Variants in UNC13C observed in about 807,000 individuals in gnomAD.
The protein encoded by UNC13C is unc-13 homolog C, also known as protein unc-13 homolog C.
In UNC13C, 174 loss-of-function variants were observed where a neutral mutation model predicts 245.4. That is an observed-to-expected ratio of 0.71 (90% CI 0.63 to 0.80). The LOEUF (loss-of-function observed/expected upper bound fraction) is 0.80, where lower values mean the gene tolerates loss of function less well. Among genes scored for constraint, UNC13C ranks in the 30% least tolerant of loss-of-function variants. The pLI, the probability that UNC13C is intolerant of heterozygous loss-of-function variation, is 0.00. For missense variants in UNC13C, 2,829 were observed against 2,602.9 expected (o/e 1.09, Z -1.89); for synonymous variants, 992 against 895.1 (o/e 1.11, Z -1.93).
chr15:53,899,667 C>T, the UNC13C span, among the ~76,000 whole-genome samples: 2 of 152,126 alleles, frequency 1.3e-5, no homozygotes, highest in Non-Finnish European at 2.9e-5. Context: ...CGGGTTCAAG[C>T]GATTCTCCTG....
At chr15:53,839,432 T>G in the UNC13C span, among the ~76,000 whole-genome samples, 3 of 152,140 alleles carry the variant, frequency 2.0e-5, no homozygotes, top group Non-Finnish European at 4.4e-5. Context: ...TAAGATAGTT[T>G]TAGAATTGTT....
the UNC13C span, among the ~76,000 whole-genome samples, chr15:53,969,749 C>T: frequency 6.6e-6 from 1 of 150,730 alleles, no homozygotes; most frequent in East Asian, 1.9e-4. Context: ...ATAAAATTTA[C>T]CATCTTAAAC....
intron 19 of UNC13C, among the ~76,000 whole-genome samples, chr15:54,450,651 T>C (rs1274145307): frequency 6.6e-6 from 1 of 152,190 alleles, no homozygotes; most frequent in Non-Finnish European, 1.5e-5. Context: ...GTGACCCAAT[T>C]TTCCAGGTGC....
At chr15:54,494,122 A>T (rs936048167) in intron 19 of UNC13C, among the ~76,000 whole-genome samples, 3 of 152,138 alleles carry the variant, frequency 2.0e-5, no homozygotes, top group African/African-American at 7.2e-5. Flanking sequence ...TTAATCAATG[A>T]TTATAGCTCC....
chr15:54,626,718 A>G, intron 32 of UNC13C, 110 bp from the exon 33 acceptor site: 1 of 1,005,702 alleles, frequency 9.9e-7, no homozygotes, highest in Non-Finnish European at 1.4e-6. Context: ...CTATTTGCCA[A>G]CATAATAATC....
intron 32 of UNC13C, among the ~76,000 whole-genome samples, chr15:54,626,244 C>CTGTTACCATAGG (rs1428762823): frequency 6.6e-6 from 1 of 152,108 alleles, no homozygotes; most frequent in East Asian, 1.9e-4. Context: ...ACAGGTCTAA[C>CTGTTACCATAGG]TGTTACCATA....
At chr15:53,867,251 G>T in the UNC13C span, among the ~76,000 whole-genome samples, 1 of 152,012 alleles carries the variant, frequency 6.6e-6, no homozygotes, top group Admixed American at 6.6e-5. Context: ...AAATATGCTG[G>T]TACAGGAACA....
chr15:54,499,910 C>T (rs1894124060), intron 20 of UNC13C, among the ~76,000 whole-genome samples, 169 bp from the exon 21 acceptor site: 1 of 151,956 alleles, frequency 6.6e-6, no homozygotes, highest in African/African-American at 2.4e-5. Context: ...GAGGAGGAGA[C>T]TGATTTGATG....
At chr15:54,212,764 A>C (rs1004927231) in intron 4 of UNC13C, among the ~76,000 whole-genome samples, 1 of 152,110 alleles carries the variant, frequency 6.6e-6, no homozygotes, top group African/African-American at 2.4e-5. Context: ...CATTAAACTA[A>C]ACATAGATGG....
chr15:54,308,944 T>G (rs533103388), intron 13 of UNC13C, among the ~76,000 whole-genome samples: 203 of 152,046 alleles, frequency 1.3e-3, no homozygotes, highest in African/African-American at 4.7e-3. Flanking sequence ...TCTCGGCTAT[T>G]GTGAGTAATG....
intron 4 of UNC13C, among the ~76,000 whole-genome samples, chr15:54,163,775 G>T (rs2033063079): frequency 6.6e-6 from 1 of 152,256 alleles, no homozygotes; most frequent in African/African-American, 2.4e-5. Context: ...GTAATCATGA[G>T]TTGAAGAATA....
intron 19 of UNC13C, among the ~76,000 whole-genome samples, chr15:54,437,995 G>A (rs1890314108): frequency 6.6e-6 from 1 of 151,722 alleles, no homozygotes; most frequent in South Asian, 2.1e-4. Flanking sequence ...CATTTTTCTA[G>A]TTAGCAGGAG....
intron 30 of UNC13C, among the ~76,000 whole-genome samples, chr15:54,583,779 G>A (rs1397697932): frequency 6.6e-6 from 1 of 152,098 alleles, no homozygotes; most frequent in Non-Finnish European, 1.5e-5. Context: ...TTGTAATGCG[G>A]CCCATTTGCT....
chr15:54,418,017 T>C (rs1401473855), intron 19 of UNC13C, among the ~76,000 whole-genome samples: 1 of 152,024 alleles, frequency 6.6e-6, no homozygotes, highest in African/African-American at 2.4e-5. Flanking sequence ...TCCGACTCCC[T>C]GATTCAAGCC....
intron 4 of UNC13C, among the ~76,000 whole-genome samples, chr15:54,144,939 T>C (rs995489625): frequency 2.6e-5 from 4 of 151,984 alleles, no homozygotes; most frequent in East Asian, 1.9e-4. Flanking sequence ...ATATAATTAA[T>C]TATCTATCTA....
At chr15:54,189,227 G>T (rs1295935445) in intron 4 of UNC13C, among the ~76,000 whole-genome samples, 3 of 152,072 alleles carry the variant, frequency 2.0e-5, no homozygotes, top group African/African-American at 7.2e-5. Context: ...TGTAAAAGTG[G>T]TTCATAAAAT....
rs371882584 is a variant in UNC13C at position 54,153,541 on chromosome 15, C to G, written c.3071+9857C>G. Among the ~76,000 whole-genome samples, 4 of 152,126 alleles carry G rather than the reference C, an allele frequency of 2.6e-5. No homozygotes were observed. The East Asian group carries it at 7.7e-4, about 29-fold the overall frequency. ...TGAGATTTGAACTAGATCTAGCTGA[C>G]TCCAGAATTTGATTGCTTTGCTTTT... On this transcript the variant is annotated intron_variant, in intron 4 of 32. Transcript: ENST00000260323.
chr15:54,177,849 A>G (rs28729386), intron 4 of UNC13C, among the ~76,000 whole-genome samples: 16,151 of 152,074 alleles, frequency 0.11, 1,445 homozygotes, highest in African/African-American at 0.24. Flanking sequence ...ATGATTTTCT[A>G]TAACAGATAA....
At chr15:54,489,291 A>G (rs568561123) in intron 19 of UNC13C, among the ~76,000 whole-genome samples, 2 of 152,318 alleles carry the variant, frequency 1.3e-5, no homozygotes, top group Admixed American at 1.3e-4. Context: ...AATATGTATT[A>G]GATTATCCAC....
Sources: gnomAD v4.1 joint callset for allele counts (sites outside exome capture counted in the v4.1 genomes callset) on GRCh38, gnomAD v4.1.1 for gene constraint, MANE v1.5 for transcripts, NCBI Gene and HGNC (gene_info 2026-07-23, HGNC 2026-07-21) for gene names.